CDH13: variants seen among roughly 807,000 people sequenced by gnomAD.
CDH13 encodes the protein cadherin 13, also known as cadherin-13.
In CDH13, 24 loss-of-function variants were observed where a neutral mutation model predicts 63.8. The ratio of observed to expected loss-of-function variants is 0.38; its 90% confidence interval spans 0.27 to 0.53. The LOEUF is 0.53. Among genes scored for constraint, CDH13 ranks in the 20% least tolerant of loss-of-function variants. CDH13 has a pLI of 0.85. For synonymous variants in CDH13, 503 were observed against 355.3 expected, an observed-to-expected ratio of 1.42 and a Z score of -4.67; for missense variants, 1,049 against 903.1, an observed-to-expected ratio of 1.16 and a Z score of -2.07.
rs550619478 is a variant in CDH13 at position 83,506,793 on chromosome 16, C to G, written c.960+20138C>G. 2.0e-5 allele frequency among the ~76,000 whole-genome samples: 3 copies of G among 152,170 alleles called. No individual in the cohort carries two copies. In the South Asian group the frequency reaches 6.2e-4, roughly 31 times the overall value. On this transcript the variant is annotated intron_variant, in intron 7 of 13. Transcript: ENST00000567109. ...AGCTCAAGTAGCTTCATGGAGAAAT[C>G]CACATGGCAAGGAACTGAGGCCACC...
chr16:83,406,550 G>A (rs1487219659), intron 6 of CDH13, among the ~76,000 whole-genome samples: 4 of 151,880 alleles, frequency 2.6e-5, no homozygotes, highest in Non-Finnish European at 5.9e-5. Context: ...TGCAACCTCT[G>A]CCTCCTGGGT....
At chr16:83,319,063 G>A (rs990993649) in intron 5 of CDH13, among the ~76,000 whole-genome samples, 1 of 151,572 alleles carries the variant, frequency 6.6e-6, no homozygotes, top group African/African-American at 2.4e-5. Flanking sequence ...TAAAATAGAT[G>A]CACCTGCAAG....
chr16:82,924,227 A>G (rs2042239090), intron 2 of CDH13, among the ~76,000 whole-genome samples: 1 of 152,236 alleles, frequency 6.6e-6, no homozygotes, highest in South Asian at 2.1e-4. Flanking sequence ...GAAGATAATG[A>G]TCAAAGGACT....
intron 5 of CDH13, among the ~76,000 whole-genome samples, chr16:83,299,775 T>C (rs1283035300): frequency 6.6e-6 from 1 of 152,230 alleles, no homozygotes; most frequent in Non-Finnish European, 1.5e-5. Context: ...ATATAAGTTA[T>C]TGCAGCATAA....
At chr16:82,999,398 C>T (rs72794139) in intron 2 of CDH13, among the ~76,000 whole-genome samples, 16,753 of 152,076 alleles carry the variant, frequency 0.11, 1,063 homozygotes, top group African/African-American at 0.18. Flanking sequence ...CTTGTTCTTA[C>T]CCCTTCAGTT....
intron 1 of CDH13, among the ~76,000 whole-genome samples, chr16:82,680,491 C>G (rs75184448): frequency 2.3e-5 from 2 of 85,512 alleles, no homozygotes; most frequent in African/African-American, 9.7e-5. Context: ...GGAAGTGGGG[C>G]TAACACAGAA....
chr16:82,678,350 A>AT (rs1914174832), intron 1 of CDH13, among the ~76,000 whole-genome samples: 1 of 149,712 alleles, frequency 6.7e-6, no homozygotes, highest in African/African-American at 2.5e-5. Context: ...TGAAAGCTCA[A>AT]TTTTTACTAC....
intron 5 of CDH13, among the ~76,000 whole-genome samples, chr16:83,328,691 C>T (rs1420966087): frequency 6.6e-6 from 1 of 152,124 alleles, no homozygotes; most frequent in East Asian, 1.9e-4. Flanking sequence ...CTGATGGAAG[C>T]AGCTGATGGA....
chr16:83,658,132 A>G (rs1913056301), intron 8 of CDH13, among the ~76,000 whole-genome samples: 1 of 120,182 alleles, frequency 8.3e-6, no homozygotes, highest in South Asian at 3.0e-4. Context: ...CCTCACCAGC[A>G]AGGTCTCATG....
intron 11 of CDH13, among the ~76,000 whole-genome samples, chr16:83,756,368 C>A (rs117713220): frequency 6.6e-6 from 1 of 152,042 alleles, no homozygotes; most frequent in Non-Finnish European, 1.5e-5. Flanking sequence ...AATAAAAGAA[C>A]AAAGAATGGA....
chr16:83,658,724 G>A (rs1205386405), intron 8 of CDH13, among the ~76,000 whole-genome samples: 4 of 137,770 alleles, frequency 2.9e-5, no homozygotes, highest in African/African-American at 8.4e-5. Flanking sequence ...AAGGTCTCAT[G>A]TCCTCACCAC....
chr16:82,787,571 T>A (rs12924560), intron 1 of CDH13, among the ~76,000 whole-genome samples: 42,457 of 152,062 alleles, frequency 0.28, 6,305 homozygotes, highest in East Asian at 0.53. Context: ...ATTTATTGTA[T>A]GCTAGACATA....
intron 10 of CDH13, among the ~76,000 whole-genome samples, chr16:83,743,763 TTTTTC>T (rs1373798973): frequency 5.2e-5 from 7 of 133,736 alleles, no homozygotes; most frequent in African/African-American, 1.1e-4. Flanking sequence ...TTTTTTTTTT[TTTTTC>T]TTTGCTTTTT....
chr16:82,884,766 T>G (rs1559310), intron 2 of CDH13, among the ~76,000 whole-genome samples: 34,488 of 152,206 alleles, frequency 0.23, 5,354 homozygotes, highest in East Asian at 0.79. Context: ...TTCTCAGATT[T>G]TTCAGCCTTG....
rs2091306151 is a variant in CDH13, at chr16:83,368,887, TATATATATATATATATA to T, written c.781+23882_781+23898del. 2.6e-3 allele frequency among the ~76,000 whole-genome samples: 98 copies of T among 37,990 alleles called. 9 individuals are homozygous for T. Among genetic ancestry groups the T allele is most frequent in the African/African-American group, 3.9e-3 (18 of 4,658 alleles). The allele number at this position is 37,990 out of a possible 152,430, so 24.9% of individuals were successfully genotyped here. A position where few individuals can be genotyped will look rare whatever the true frequency, so the allele number is the denominator to read the frequency against. On this transcript the variant is annotated intron_variant, in intron 6 of 13. Coordinates refer to ENST00000567109, the MANE Select transcript of CDH13 (RefSeq NM_001257.5). ...GGCTGAGTAGTAGTATTCCATGTTATATATATATATATATATATATATATATATATATATATATATAT... is the reference window on the plus strand; with the variant it reads ...GGCTGAGTAGTAGTATTCCATGTTATTATATATATATATATATATATATAT...
intron 1 of CDH13, among the ~76,000 whole-genome samples, chr16:82,842,112 G>GTATATATATATATA (rs1239169050): frequency 1.7e-5 from 1 of 58,962 alleles, no homozygotes; most frequent in African/African-American, 6.8e-5. Context: ...ATATATATAT[G>GTATATATATATATA]TATATATATA....
intron 6 of CDH13, among the ~76,000 whole-genome samples, chr16:83,392,760 C>T (rs1018007127): frequency 6.6e-6 from 1 of 152,012 alleles, no homozygotes; most frequent in Non-Finnish European, 1.5e-5. Flanking sequence ...GTCAGAGCTT[C>T]TGTAATTACA....
chr16:82,986,866 C>G (rs904491001), intron 2 of CDH13, among the ~76,000 whole-genome samples: 17 of 152,130 alleles, frequency 1.1e-4, no homozygotes, highest in African/African-American at 4.1e-4. Flanking sequence ...TTCTTTTAAA[C>G]TTTTATGAGT....
intron 7 of CDH13, among the ~76,000 whole-genome samples, chr16:83,490,601 A>G (rs2073992731): frequency 6.6e-6 from 1 of 152,170 alleles, no homozygotes; most frequent in Non-Finnish European, 1.5e-5. Flanking sequence ...CACCATAGTC[A>G]ATGCTCAAAC....
Sources: gnomAD v4.1 joint callset for allele counts (sites outside exome capture counted in the v4.1 genomes callset) on GRCh38, gnomAD v4.1.1 for gene constraint, MANE v1.5 for transcripts, NCBI Gene and HGNC (gene_info 2026-07-23, HGNC 2026-07-21) for gene names.